Variants in LARGE1 observed in about 807,000 individuals in gnomAD.
The protein encoded by LARGE1 is xylosyl- and glucuronyltransferase LARGE1.
Under a neutral mutation model 87.6 loss-of-function variants are expected in LARGE1, and 43 were observed. The observed-to-expected ratio is 0.49, with a 90% CI of 0.38 to 0.63. The LOEUF is 0.63. LARGE1 is among the 30% of genes least tolerant of loss of function. LARGE1 has a pLI of 0.00. For synonymous variants in LARGE1, 434 were observed against 394.6 expected, an observed-to-expected ratio of 1.10 and a Z score of -1.18; for missense variants, 802 against 1,000.2, an observed-to-expected ratio of 0.80 and a Z score of 2.67.
intron 2 of LARGE1, among the ~76,000 whole-genome samples, chr22:33,709,664 C>T (rs1470302345): frequency 6.8e-6 from 1 of 146,080 alleles, no homozygotes; most frequent in Non-Finnish European, 1.5e-5. Flanking sequence ...CTTGCTCTGT[C>T]ACCCAGGCTG....
chr22:33,591,895 A>C (rs2078849748), intron 5 of LARGE1, among the ~76,000 whole-genome samples: 1 of 149,486 alleles, frequency 6.7e-6, no homozygotes, highest in African/African-American at 2.5e-5. Flanking sequence ...GCGTGATAGC[A>C]TGTGCCTGTA....
At chr22:33,436,081 T>A (rs1241365082) in intron 6 of LARGE1, among the ~76,000 whole-genome samples, 1 of 152,184 alleles carries the variant, frequency 6.6e-6, no homozygotes, top group East Asian at 1.9e-4. Flanking sequence ...AACATCAATA[T>A]AGTTGGAGAT....
At chr22:33,917,975 G>T (rs1019978168) in intron 1 of LARGE1, among the ~76,000 whole-genome samples, 5 of 151,746 alleles carry the variant, frequency 3.3e-5, no homozygotes, top group African/African-American at 1.2e-4. Context: ...AAGATAACTA[G>T]TCCCCCCTAG....
chr22:33,824,927 TG>T (rs1338939745), intron 1 of LARGE1, among the ~76,000 whole-genome samples: 4 of 152,124 alleles, frequency 2.6e-5, no homozygotes, highest in African/African-American at 9.7e-5. Flanking sequence ...CAGACACAGG[TG>T]GTCAGCAAGG....
chr22:33,501,309 A>G (rs577391247), intron 6 of LARGE1, among the ~76,000 whole-genome samples: 3 of 152,314 alleles, frequency 2.0e-5, no homozygotes, highest in South Asian at 2.1e-4. Flanking sequence ...GCTCCTCACA[A>G]AAACAGGAGC....
At chr22:33,304,160 T>A in intron 12 of LARGE1, 69 bp downstream of exon 12, 1 of 1,564,600 alleles carries the variant, frequency 6.4e-7, no homozygotes, top group Non-Finnish European at 8.8e-7. Flanking sequence ...CCTAAGGGCC[T>A]TTTGGTCCTG....
intron 8 of LARGE1, among the ~76,000 whole-genome samples, chr22:33,383,410 ATTAGC>A (rs2065221076): frequency 2.0e-5 from 3 of 151,912 alleles, no homozygotes; most frequent in Non-Finnish European, 2.9e-5. Flanking sequence ...AAATACAAAA[ATTAGC>A]CTGGTGTGGT....
At chr22:33,459,732 C>T (rs141536459) in intron 6 of LARGE1, among the ~76,000 whole-genome samples, 192 of 151,780 alleles carry the variant, frequency 1.3e-3, no homozygotes, top group Non-Finnish European at 2.4e-3. Context: ...CAATTCACAC[C>T]CCCAATAGCA....
intron 1 of LARGE1, among the ~76,000 whole-genome samples, chr22:33,774,008 G>C (rs112632745): frequency 0.013 from 1,899 of 148,594 alleles, 47 homozygotes; most frequent in African/African-American, 0.045. Flanking sequence ...CTGCCTCAAG[G>C]CTGTGTATCT....
chr22:33,141,194 TCA>T, the LARGE1 span, among the ~76,000 whole-genome samples: 10,284 of 141,546 alleles, frequency 0.073, 399 homozygotes, highest in Middle Eastern at 0.14. Flanking sequence ...TCTCTCTCTC[TCA>T]CACACACACA....
chr22:33,580,966 G>A (rs1041390188), intron 5 of LARGE1, among the ~76,000 whole-genome samples: 7 of 152,096 alleles, frequency 4.6e-5, no homozygotes, highest in African/African-American at 7.2e-5. Context: ...TTTGTAAGAC[G>A]TCCATCTTTC....
intron 6 of LARGE1, among the ~76,000 whole-genome samples, chr22:33,552,953 CCAGGT>C (rs1433361927): frequency 6.6e-6 from 1 of 152,132 alleles, no homozygotes; most frequent in Non-Finnish European, 1.5e-5. Flanking sequence ...GGCCTCAAAC[CCAGGT>C]CTTGGAATCA....
chr22:33,808,233 T>C (rs1271203774), intron 1 of LARGE1, among the ~76,000 whole-genome samples: 6 of 152,252 alleles, frequency 3.9e-5, no homozygotes. Context: ...GTTGTTTTAT[T>C]TGCATTTCCC....
At chr22:33,068,948 C>A in the LARGE1 span, among the ~76,000 whole-genome samples, 7 of 149,510 alleles carry the variant, frequency 4.7e-5, no homozygotes, top group African/African-American at 1.7e-4. Flanking sequence ...TGGAGGGAAC[C>A]CAGGAAACTA....
chr22:33,551,182 C>CTG (rs1172837935), intron 6 of LARGE1, among the ~76,000 whole-genome samples: 4 of 152,296 alleles, frequency 2.6e-5, no homozygotes, highest in African/African-American at 9.6e-5. Context: ...TATATGTACC[C>CTG]CATACATTTG....
the LARGE1 span, among the ~76,000 whole-genome samples, chr22:33,096,783 T>C: frequency 2.6e-5 from 4 of 152,138 alleles, no homozygotes; most frequent in Admixed American, 2.6e-4. Flanking sequence ...GCCAGGATGG[T>C]CTCTATCTCC....
intron 2 of LARGE1, among the ~76,000 whole-genome samples, chr22:33,706,594 C>G (rs16992819): frequency 0.016 from 2,446 of 152,284 alleles, 72 homozygotes; most frequent in African/African-American, 0.055. Context: ...TTCAGATTCT[C>G]CTTCTGGAAG....
At chr22:33,198,138 T>C (rs1202544907) in intron 11 of LARGE1, among the ~76,000 whole-genome samples, 1 of 152,044 alleles carries the variant, frequency 6.6e-6, no homozygotes, top group East Asian at 1.9e-4. Flanking sequence ...TCCAGAGCGG[T>C]GTGGTGGGTG....
the LARGE1 span, among the ~76,000 whole-genome samples, chr22:33,147,781 T>C: frequency 2.0e-5 from 3 of 152,200 alleles, no homozygotes; most frequent in African/African-American, 7.2e-5. Flanking sequence ...ATTTATAAAT[T>C]CATATAACTT....
Sources: allele counts gnomAD v4.1 joint callset (sites outside exome capture counted in the v4.1 genomes callset), GRCh38; gene constraint gnomAD v4.1.1; transcripts MANE v1.5; gene names NCBI Gene and HGNC (gene_info 2026-07-23, HGNC 2026-07-21).